Variants in SPAG16 observed in about 807,000 individuals in gnomAD.
The protein encoded by SPAG16 is sperm-associated antigen 16 protein.
SPAG16 carries 86 observed loss-of-function variants against 80.4 expected under a neutral mutation model. The observed-to-expected ratio is 1.07, with a 90% confidence interval of 0.90 to 1.28. The LOEUF (loss-of-function observed/expected upper bound fraction) is 1.28. SPAG16 is among the 50% of genes most tolerant of loss of function. The pLI is 0.00. For missense variants in SPAG16, 870 were observed against 765.3 expected, an observed-to-expected ratio of 1.14 and a Z score of -1.61; for synonymous variants, 294 against 265.9, an observed-to-expected ratio of 1.11 and a Z score of -1.03.
At chr2:213,964,210 TGTA>T (rs147985969) in intron 12 of SPAG16, among the ~76,000 whole-genome samples, 4,016 of 152,246 alleles carry the variant, frequency 0.026, 85 homozygotes, top group Non-Finnish European at 0.043. Context: ...GGTATATACA[TGTA>T]GTATATGCAT....
intron 13 of SPAG16, among the ~76,000 whole-genome samples, chr2:214,091,985 T>C (rs2052246556): frequency 1.3e-5 from 2 of 152,144 alleles, no homozygotes; most frequent in Non-Finnish European, 2.9e-5. Flanking sequence ...CATTGTACAA[T>C]ACAATACCTA....
chr2:213,606,469 G>A (rs2061264689), intron 10 of SPAG16, among the ~76,000 whole-genome samples: 1 of 152,084 alleles, frequency 6.6e-6, no homozygotes, highest in African/African-American at 2.4e-5. Flanking sequence ...ATATCTCATT[G>A]TGTTTTGATT....
At chr2:213,341,904 C>T (rs553974130) in intron 6 of SPAG16, among the ~76,000 whole-genome samples, 1 of 152,156 alleles carries the variant, frequency 6.6e-6, no homozygotes. Flanking sequence ...TTATCTATAG[C>T]TAATATTAGA....
At chr2:213,355,129 C>T (rs2065561976) in intron 7 of SPAG16, among the ~76,000 whole-genome samples, 1 of 152,062 alleles carries the variant, frequency 6.6e-6, no homozygotes, top group East Asian at 1.9e-4. Flanking sequence ...GAATCCTTTC[C>T]CCATTTCTTG....
intron 13 of SPAG16, among the ~76,000 whole-genome samples, chr2:214,034,435 T>C (rs182619595): frequency 2.6e-4 from 40 of 152,350 alleles, no homozygotes; most frequent in Non-Finnish European, 1.2e-4. Context: ...TGGCCAGTGG[T>C]GTCTTTGCTT....
At chr2:213,735,014 T>A (rs1388372567) in intron 10 of SPAG16, among the ~76,000 whole-genome samples, 1 of 152,106 alleles carries the variant, frequency 6.6e-6, no homozygotes, top group Non-Finnish European at 1.5e-5. Flanking sequence ...TTATTACTAT[T>A]GCAGATATAC....
chr2:213,832,960 A>C (rs2250426), intron 10 of SPAG16, among the ~76,000 whole-genome samples: 42,677 of 151,940 alleles, frequency 0.28, 6,189 homozygotes, highest in Middle Eastern at 0.39. Context: ...TACAATGCAA[A>C]TTTTAATTCT....
Position 213,617,331 on chromosome 2 carries a change from G to A in SPAG16, c.1070+127241G>A, listed in dbSNP as rs190441284. Among the ~76,000 whole-genome samples the A allele has an allele frequency of 3.2e-3, 485 of 152,230 alleles. 1 individual carries two copies. Among genetic ancestry groups the A allele is most frequent in the Non-Finnish European group, 5.7e-3 (385 of 68,008 alleles). ...TGTAATCTCAGCACTTTGGGAGGCC[G>A]AAGTGGAGAAGTGGAAGGATCCCTT... On this transcript the variant is annotated intron_variant, in intron 10 of 15. Transcript: ENST00000331683.
chr2:214,303,582 T>C (rs1441235473), intron 15 of SPAG16, among the ~76,000 whole-genome samples: 3 of 152,216 alleles, frequency 2.0e-5, no homozygotes, highest in Non-Finnish European at 4.4e-5. Flanking sequence ...TTAGATAGTC[T>C]GAAGACGATA....
At chr2:213,675,428 G>C (rs1190420544) in intron 10 of SPAG16, among the ~76,000 whole-genome samples, 1 of 152,156 alleles carries the variant, frequency 6.6e-6, no homozygotes, top group African/African-American at 2.4e-5. Flanking sequence ...TGTTGCCGTT[G>C]CTTTTGGTGT....
intron 9 of SPAG16, among the ~76,000 whole-genome samples, chr2:213,472,275 C>T (rs1203682446): frequency 6.6e-6 from 1 of 152,062 alleles, no homozygotes; most frequent in African/African-American, 2.4e-5. Context: ...TTTGCCAACT[C>T]AATGGCTGCA....
Position 214,143,516 on chromosome 2 carries a change from G to T in SPAG16, c.1594-5624G>T, listed in dbSNP as rs77255489. On this transcript the variant is annotated intron_variant, in intron 14 of 15. Transcript: ENST00000331683. ...CAGCTGTGACATTATTTACAGGTAT[G>T]TTATAAGTGATAAAGAATTATGCAA... Among the ~76,000 whole-genome samples the T allele has an allele frequency of 3.6e-3, 551 of 152,066 alleles. 13 individuals carry two copies. The East Asian group carries it at 0.046, about 13-fold the overall frequency.
chr2:213,694,068 G>A (rs1331167356), intron 10 of SPAG16, among the ~76,000 whole-genome samples: 2 of 151,044 alleles, frequency 1.3e-5, no homozygotes, highest in Admixed American at 6.6e-5. Context: ...AAAAGAGAGG[G>A]AGAGAAAGAA....
rs1004640085 is a variant in SPAG16, at chr2:213,706,328, C to T, written c.1071-156157C>T. Among the ~76,000 whole-genome samples, 6 of 152,184 alleles carry T rather than the reference C, an allele frequency of 3.9e-5. No homozygotes were observed. In the South Asian group the frequency reaches 1.2e-3, roughly 31 times the overall value. On this transcript the variant is annotated intron_variant, in intron 10 of 15. Coordinates refer to ENST00000331683, the MANE Select transcript of SPAG16 (RefSeq NM_024532.5). ...GTTGAGTGAATAAAACTTCTACTAG[C>T]TTACTTTCATTTCTAGAACTTCATG...
chr2:214,366,035 G>C (rs59725146), intron 15 of SPAG16, among the ~76,000 whole-genome samples: 10,031 of 150,932 alleles, frequency 0.066, 861 homozygotes, highest in African/African-American at 0.2. Flanking sequence ...CCAGAGTGCA[G>C]TGGTATGATC....
rs540016977 is a variant in SPAG16, at chr2:214,051,974, CT to C, written c.1527+37899del. 2.0e-5 allele frequency among the ~76,000 whole-genome samples: 3 copies of C among 152,084 alleles called. No individual in the cohort carries two copies. In the East Asian group the frequency reaches 5.8e-4, roughly 29 times the overall value. ...AATGAAAAATAGATTTCCCTTTTTT[CT>C]TCCTATGTGATTTGTAATACTGCAT... On this transcript the variant is annotated intron_variant, in intron 13 of 15. Transcript: ENST00000331683.
chr2:213,968,178 CT>C (rs1176158036), intron 12 of SPAG16, among the ~76,000 whole-genome samples: 1 of 151,152 alleles, frequency 6.6e-6, no homozygotes, highest in Non-Finnish European at 1.5e-5. Flanking sequence ...CATCTCTTTT[CT>C]TTTCTTTTCC....
chr2:214,146,357 G>C (rs1011666593), intron 14 of SPAG16, among the ~76,000 whole-genome samples: 1 of 152,160 alleles, frequency 6.6e-6, no homozygotes. Flanking sequence ...AAAGAAGAAG[G>C]ATACAGGGCA....
intron 10 of SPAG16, among the ~76,000 whole-genome samples, chr2:213,660,657 C>T (rs1454000519): frequency 6.6e-6 from 1 of 152,112 alleles, no homozygotes; most frequent in Non-Finnish European, 1.5e-5. Flanking sequence ...ATCCAGGGCT[C>T]AGGGGATAAA....
Sources: gnomAD v4.1 joint callset for allele counts (sites outside exome capture counted in the v4.1 genomes callset) on GRCh38, gnomAD v4.1.1 for gene constraint, MANE v1.5 for transcripts, NCBI Gene and HGNC (gene_info 2026-07-23, HGNC 2026-07-21) for gene names.